Variants in TRIM24 observed in about 807,000 individuals in gnomAD.
The protein encoded by TRIM24 is transcription intermediary factor 1-alpha.
In TRIM24, 29 loss-of-function variants were observed where a neutral mutation model predicts 123.9. The observed-to-expected ratio is 0.23, with a 90% CI of 0.17 to 0.32. TRIM24 has a LOEUF of 0.32. Ranked by LOEUF, TRIM24 falls within the 10% of genes least tolerant of loss-of-function variation. The pLI is 1.00. For missense variants in TRIM24, 932 were observed against 1,295.3 expected (o/e 0.72, Z 4.31); for synonymous variants, 456 against 461.1 (o/e 0.99, Z 0.14).
chr7:138,559,930 C>A (rs1364396418), intron 9 of TRIM24, among the ~76,000 whole-genome samples: 3 of 152,092 alleles, frequency 2.0e-5, no homozygotes, highest in African/African-American at 7.3e-5. Context: ...TTTCCTGTAC[C>A]CAGCCATGGA....
chr7:138,510,402 G>T (rs976774378), intron 2 of TRIM24, among the ~76,000 whole-genome samples: 10 of 151,788 alleles, frequency 6.6e-5, no homozygotes, highest in Non-Finnish European at 8.8e-5. Flanking sequence ...TGTGTGTGTG[G>T]TTTTTTTTGT....
At position 138,585,169 on chromosome 7, in the gene TRIM24, TGGAAAGAA is replaced by T; in HGVS notation, c.*224_*231del. The T allele has an allele frequency of 5.5e-6, 2 of 364,384 alleles. No individual in the cohort carries two copies. Among genetic ancestry groups the T allele is most frequent in the Non-Finnish European group, 9.7e-6 (2 of 205,888 alleles). The allele number at this position is 364,384 out of a possible 1,614,324, so 22.6% of individuals were successfully genotyped here. On this transcript the variant is annotated 3_prime_UTR_variant, in exon 19 of 19. Transcript: ENST00000343526. ...AAGGAGATGAATAGAAGAAAGAAAA[TGGAAAGAA>T]GGAAAAAAGGAGGATAGAAAAAGGA...
At chr7:138,474,097 T>C (rs966098408) in intron 1 of TRIM24, among the ~76,000 whole-genome samples, 3 of 150,872 alleles carry the variant, frequency 2.0e-5, no homozygotes, top group Non-Finnish European at 4.4e-5. Context: ...CCTGGCAAAA[T>C]AAGAATTTCT....
intron 7 of TRIM24, among the ~76,000 whole-genome samples, chr7:138,547,499 CA>C (rs1449342642): frequency 1.3e-5 from 2 of 152,000 alleles, no homozygotes; most frequent in African/African-American, 2.4e-5. Context: ...GAAACATATT[CA>C]ATTTTTATTG....
chr7:138,493,612 A>G (rs1172324436), intron 1 of TRIM24, among the ~76,000 whole-genome samples: 1 of 152,182 alleles, frequency 6.6e-6, no homozygotes, highest in African/African-American at 2.4e-5. Context: ...AAGCCGCTGT[A>G]AGCCTAAGGG....
chr7:138,483,721 T>A (rs1288649449), intron 1 of TRIM24, among the ~76,000 whole-genome samples: 1 of 152,202 alleles, frequency 6.6e-6, no homozygotes, highest in Non-Finnish European at 1.5e-5. Flanking sequence ...TGGTTGCACT[T>A]GGGACGGAGT....
Position 138,492,063 on chromosome 7 carries a change from C to T in TRIM24, c.365-12227C>T, listed in dbSNP as rs561959061. On this transcript the variant is annotated intron_variant, in intron 1 of 18. Transcript: ENST00000343526. ...GCAGGGTCACTTGAGCCCAGGAGTTCGAGACCAGACTGAGCAACAAAGGGA... is the reference window on the plus strand; with the variant it reads ...GCAGGGTCACTTGAGCCCAGGAGTTTGAGACCAGACTGAGCAACAAAGGGA... Among the ~76,000 whole-genome samples, 10 of 150,740 alleles carry T rather than the reference C, an allele frequency of 6.6e-5. 1 individual carries two copies. The South Asian group carries it at 1.3e-3, about 19-fold the overall frequency.
In TRIM24 at chr7:138,589,116, C is replaced by T. The variant is rs1344645299; in HGVS notation, c.*4165C>T. On this transcript the variant is annotated 3_prime_UTR_variant, in exon 19 of 19. Coordinates refer to ENST00000343526, the MANE Select transcript of TRIM24 (RefSeq NM_015905.3). ...ACATATTTTTAAAAGTATTTTATAGCCCTATGTAAATTAATAGTTGATGTC... is the reference window on the plus strand; with the variant it reads ...ACATATTTTTAAAAGTATTTTATAGTCCTATGTAAATTAATAGTTGATGTC... The T allele has an allele frequency of 2.1e-5, 3 of 139,644 alleles. No individual in the cohort carries two copies. The highest frequency in any genetic ancestry group is 7.7e-5 in the Admixed American group (1 of 13,010). The allele number at this position is 139,644 out of a possible 1,614,324, so 8.7% of individuals were successfully genotyped here.
At chr7:138,576,349 A>AATGT (rs1198576044) in intron 12 of TRIM24, 24 bp from the exon 13 acceptor site, 2 of 1,604,754 alleles carry the variant, frequency 1.2e-6, no homozygotes, top group Non-Finnish European at 1.7e-6. Context: ...TCGTTTTATG[A>AATGT]ATGTATGGTT....
At chr7:138,466,463 CTTTTTTTTT>C (rs577317171) in intron 1 of TRIM24, among the ~76,000 whole-genome samples, 8 of 74,058 alleles carry the variant, frequency 1.1e-4, no homozygotes, top group Admixed American at 6.7e-4. Flanking sequence ...ACTTAAGTTG[CTTTTTTTTT>C]TTTTTTTTTG....
rs1796407340 is a variant in TRIM24, at chr7:138,516,815, T to TG, written c.631+1456_631+1457insG. On this transcript the variant is annotated intron_variant, in intron 3 of 18. Transcript: ENST00000343526. ...TCAAAATGTAGCAAAACCGTTTTGT[T>TG]TTTTTTTTTTTTTTGAGACTAGTGA... 8.4e-5 allele frequency among the ~76,000 whole-genome samples: 7 copies of TG among 82,888 alleles called. No individual in the cohort carries two copies. The South Asian group carries it at 2.8e-3, about 33-fold the overall frequency. The allele number at this position is 82,888 out of a possible 152,430, so 54.4% of individuals were successfully genotyped here. A position where few individuals can be genotyped will look rare whatever the true frequency, so the allele number is the denominator to read the frequency against.
At chr7:138,541,870 G>C (rs917849108) in intron 7 of TRIM24, among the ~76,000 whole-genome samples, 1 of 152,150 alleles carries the variant, frequency 6.6e-6, no homozygotes, top group African/African-American at 2.4e-5. Flanking sequence ...GCTTCACCTT[G>C]TACTTTTATA....
At position 138,584,947 on chromosome 7, in the gene TRIM24, A is replaced by G. The variant is rs1428228796; in HGVS notation, c.3149A>G (p.Lys1050Arg). The change falls in exon 19 of 19, where the codon AAA (lysine) becomes AGA (arginine). Residue 1050 changes from lysine to arginine, a missense_variant. Lys to Arg is a conservative substitution (Grantham distance 26). This residue lies in a region of TRIM24 where 104 missense variants were observed against 121.5 expected (regional missense o/e 0.86). Transcript: ENST00000343526. Reference protein sequence around the residue: ...LKSIEERQLLK With the variant: ...LKSIEERQLLR Reference sequence around the variant, plus strand: ...AGCATTGAAGAACGCCAGTTGCTTAAATAATATGCAGCACCACTAGCTTGT... The same window carrying G: ...AGCATTGAAGAACGCCAGTTGCTTAGATAATATGCAGCACCACTAGCTTGT... 16 of 1,606,442 alleles carry G rather than the reference A, an allele frequency of 1.0e-5. No individual in the cohort carries two copies. Among genetic ancestry groups the G allele is most frequent in the Non-Finnish European group, 1.3e-5 (15 of 1,177,988 alleles).
intron 9 of TRIM24, among the ~76,000 whole-genome samples, chr7:138,566,944 T>C (rs1420649709): frequency 6.6e-6 from 1 of 152,238 alleles, no homozygotes; most frequent in African/African-American, 2.4e-5. Flanking sequence ...TACTAAATTT[T>C]CTGTGCTTTA....
At chr7:138,507,209 C>T (rs1352493479) in intron 2 of TRIM24, among the ~76,000 whole-genome samples, 2 of 152,042 alleles carry the variant, frequency 1.3e-5, no homozygotes, top group African/African-American at 4.8e-5. Flanking sequence ...TCAAGCATTA[C>T]TAAAGAAACA....
At chr7:138,472,064 G>A (rs905927224) in intron 1 of TRIM24, among the ~76,000 whole-genome samples, 14 of 152,110 alleles carry the variant, frequency 9.2e-5, no homozygotes, top group African/African-American at 3.4e-4. Flanking sequence ...TGGAGAGATA[G>A]ATAGTGAAAG....
intron 1 of TRIM24, among the ~76,000 whole-genome samples, chr7:138,469,706 A>C (rs1004708921): frequency 6.6e-6 from 1 of 152,174 alleles, no homozygotes; most frequent in African/African-American, 2.4e-5. Context: ...GTGGCACACC[A>C]CATATGCAAT....
At chr7:138,469,331 A>ATTT (rs1051563303) in intron 1 of TRIM24, among the ~76,000 whole-genome samples, 1 of 137,226 alleles carries the variant, frequency 7.3e-6, no homozygotes. Flanking sequence ...CCCTTTCTCA[A>ATTT]TTTTTTTTTT....
At chr7:138,577,800 G>A (rs1797793625) in intron 14 of TRIM24, among the ~76,000 whole-genome samples, 3 of 152,126 alleles carry the variant, frequency 2.0e-5, no homozygotes, top group Admixed American at 2.0e-4. Flanking sequence ...AGGCTGGGCA[G>A]TTAAAAGGAG....
Sources: allele counts gnomAD v4.1 joint callset (sites outside exome capture counted in the v4.1 genomes callset), GRCh38; gene constraint gnomAD v4.1.1; regional missense constraint gnomAD v4.1.1; transcripts MANE v1.5; gene names NCBI Gene and HGNC (gene_info 2026-07-23, HGNC 2026-07-21).